The following PRKG1 variants were observed in gnomAD, a reference collection of about 807,000 sequenced individuals.
PRKG1 encodes the protein protein kinase cGMP-dependent 1.
A neutral mutation model predicts 88.1 loss-of-function variants in PRKG1; 35 were observed. The observed-to-expected ratio is 0.40, with a 90% CI of 0.30 to 0.53. PRKG1 has a LOEUF of 0.53. PRKG1 is among the 20% of genes least tolerant of loss of function. The pLI is 0.59. For synonymous variants in PRKG1, 303 were observed against 292.5 expected (o/e 1.04, Z -0.37); for missense variants, 540 against 839.8 (o/e 0.64, Z 4.41).
At chr10:51,117,818 T>C (rs1178109015) in intron 1 of PRKG1, among the ~76,000 whole-genome samples, 1 of 152,204 alleles carries the variant, frequency 6.6e-6, no homozygotes, top group Non-Finnish European at 1.5e-5. Context: ...AAAGATGGGA[T>C]GTGGCTGAGC....
At chr10:51,700,260 G>A (rs1841431590) in intron 3 of PRKG1, among the ~76,000 whole-genome samples, 1 of 152,206 alleles carries the variant, frequency 6.6e-6, no homozygotes, top group Non-Finnish European at 1.5e-5. Context: ...ATGGGTGGCA[G>A]ACCCTTCTAG....
intron 2 of PRKG1, among the ~76,000 whole-genome samples, chr10:51,344,499 A>C (rs1389915210): frequency 2.0e-5 from 3 of 152,200 alleles, no homozygotes; most frequent in African/African-American, 7.2e-5. Flanking sequence ...GATTGTACTC[A>C]TATACAAGGT....
chr10:51,862,531 G>A (rs1840909498), intron 4 of PRKG1, among the ~76,000 whole-genome samples: 1 of 152,126 alleles, frequency 6.6e-6, no homozygotes, highest in South Asian at 2.1e-4. Flanking sequence ...CCGAAAACAG[G>A]TAGCCCCATG....
chr10:51,797,591 T>A (rs1300218218), intron 3 of PRKG1, among the ~76,000 whole-genome samples: 1 of 146,102 alleles, frequency 6.8e-6, no homozygotes, highest in East Asian at 1.9e-4. Context: ...TATATAAATA[T>A]CTAATATATA....
intron 2 of PRKG1, among the ~76,000 whole-genome samples, chr10:51,466,734 G>A (rs1437847005): frequency 6.6e-6 from 1 of 151,964 alleles, no homozygotes; most frequent in Admixed American, 6.6e-5. Context: ...AAATATTGCA[G>A]GTAGCACACA....
chr10:51,402,466 A>T (rs1477523118), intron 2 of PRKG1, among the ~76,000 whole-genome samples: 2 of 152,210 alleles, frequency 1.3e-5, no homozygotes, highest in African/African-American at 2.4e-5. Context: ...TTGCATAGTC[A>T]GACACCACTT....
At chr10:52,192,460 A>G (rs1393064540) in intron 9 of PRKG1, among the ~76,000 whole-genome samples, 1 of 152,134 alleles carries the variant, frequency 6.6e-6, no homozygotes, top group Non-Finnish European at 1.5e-5. Flanking sequence ...GCTCTACCTA[A>G]TCTTGCAGTA....
intron 1 of PRKG1, among the ~76,000 whole-genome samples, chr10:51,063,828 T>C (rs1843719192): frequency 6.6e-6 from 1 of 152,168 alleles, no homozygotes; most frequent in South Asian, 2.1e-4. Context: ...GTGCTCAATA[T>C]GGAGTAGAAC....
At chr10:51,701,649 T>C (rs1841469993) in intron 3 of PRKG1, among the ~76,000 whole-genome samples, 1 of 150,310 alleles carries the variant, frequency 6.7e-6, no homozygotes, top group Non-Finnish European at 1.5e-5. Flanking sequence ...ACCATCACTT[T>C]ACAAAGAGAA....
intron 5 of PRKG1, among the ~76,000 whole-genome samples, chr10:51,922,479 A>G (rs1196369400): frequency 1.3e-5 from 2 of 151,782 alleles, no homozygotes; most frequent in African/African-American, 4.8e-5. Flanking sequence ...TTTCTAAATT[A>G]CAGCTTAGAT....
chr10:51,679,823 C>T (rs1840802472), intron 3 of PRKG1, among the ~76,000 whole-genome samples: 1 of 146,866 alleles, frequency 6.8e-6, no homozygotes, highest in African/African-American at 2.5e-5. Context: ...GCTGCACCCA[C>T]TAACGTGTCA....
chr10:52,173,112 A>C lies in PRKG1; in HGVS notation c.1076+11149A>C, dbSNP rs1371480336. Among the ~76,000 whole-genome samples, 3 of 152,248 alleles carry C rather than the reference A, an allele frequency of 2.0e-5. No individual in the cohort carries two copies. In the East Asian group the frequency reaches 5.8e-4, roughly 29 times the overall value. On this transcript the variant is annotated intron_variant, in intron 9 of 17. Transcript: ENST00000373980. ...TGAGGATATCTCTCACTGTCAACAG[A>C]AAATAGGCTCTTAAGGATCATGAAA...
At chr10:51,453,360 T>G (rs1330172148) in intron 2 of PRKG1, among the ~76,000 whole-genome samples, 1 of 151,982 alleles carries the variant, frequency 6.6e-6, no homozygotes, top group African/African-American at 2.4e-5. Context: ...TGGATTTGGG[T>G]TTGGTTTGTT....
chr10:51,170,953 A>C (rs1846688452), intron 2 of PRKG1, among the ~76,000 whole-genome samples: 1 of 152,172 alleles, frequency 6.6e-6, no homozygotes, highest in African/African-American at 2.4e-5. Context: ...GATGTAGAAT[A>C]AACTTTCTGG....
chr10:51,835,238 A>G (rs1373644713), intron 4 of PRKG1, among the ~76,000 whole-genome samples: 2 of 152,220 alleles, frequency 1.3e-5, no homozygotes, highest in African/African-American at 2.4e-5. Context: ...GACAAGCTGG[A>G]TGGGAAGGAA....
intron 3 of PRKG1, among the ~76,000 whole-genome samples, chr10:51,678,753 C>CTGTGCAAACACAGCTTGTG (rs1437412367): frequency 6.6e-6 from 1 of 152,190 alleles, no homozygotes; most frequent in African/African-American, 2.4e-5. Context: ...CTGGTTCAAG[C>CTGTGCAAACACAGCTTGTG]TGCAAACACA....
At chr10:51,694,346 G>C (rs1841227415) in intron 3 of PRKG1, among the ~76,000 whole-genome samples, 1 of 152,134 alleles carries the variant, frequency 6.6e-6, no homozygotes, top group African/African-American at 2.4e-5. Context: ...TGCAAGCCGT[G>C]ATTACGTTAA....
Position 51,617,459 on chromosome 10 carries a change from C to A in PRKG1, c.592+149623C>A, listed in dbSNP as rs543947970. 9.4e-4 allele frequency among the ~76,000 whole-genome samples: 143 copies of A among 152,278 alleles called. 3 individuals carry two copies. The South Asian group carries it at 0.021, about 23-fold the overall frequency. ...CCAAGGTGCTGGTACCAGCACCTAT[C>A]TGCATGTGTCATCTGGAGGACTGGA... On this transcript the variant is annotated intron_variant, in intron 3 of 17. Transcript: ENST00000373980.
chr10:52,033,836 G>A (rs141125674), intron 5 of PRKG1, among the ~76,000 whole-genome samples: 269 of 152,090 alleles, frequency 1.8e-3, no homozygotes, highest in African/African-American at 6.1e-3. Flanking sequence ...GGGTGCAGGC[G>A]GACTGAGTCC....
Sources: allele counts gnomAD v4.1 joint callset (sites outside exome capture counted in the v4.1 genomes callset), GRCh38; gene constraint gnomAD v4.1.1; transcripts MANE v1.5; gene names NCBI Gene and HGNC (gene_info 2026-07-23, HGNC 2026-07-21).